The following TSGA10 variants were observed in gnomAD, a reference collection of about 807,000 sequenced individuals.
The protein encoded by TSGA10 is testis specific 10, also known as testis-specific gene 10 protein.
TSGA10 carries 43 observed loss-of-function variants against 96.6 expected under a neutral mutation model. That is an observed-to-expected ratio of 0.44 (90% CI 0.35 to 0.57). The LOEUF is 0.57. Among genes scored for constraint, TSGA10 ranks in the 20% least tolerant of loss-of-function variants. The pLI, the probability that TSGA10 is intolerant of heterozygous loss-of-function variation, is 0.01. For missense variants in TSGA10, 703 were observed against 834.4 expected, an observed-to-expected ratio of 0.84 and a Z score of 1.94; for synonymous variants, 229 against 269.9, an observed-to-expected ratio of 0.85 and a Z score of 1.48.
chr2:99,080,363 CACTTCTGGGTCTTCTTCCT>C (rs1335028030), intron 11 of TSGA10, among the ~76,000 whole-genome samples: 1 of 152,166 alleles, frequency 6.6e-6, no homozygotes, highest in East Asian at 1.9e-4. Context: ...AAATAACACT[CACTTCTGGGTCTTCTTCCT>C]ACTTCTTTGG....
intron 16 of TSGA10, among the ~76,000 whole-genome samples, chr2:99,035,962 G>A (rs2081586558): frequency 6.6e-6 from 1 of 151,958 alleles, no homozygotes. Context: ...GAGACTAAGG[G>A]CAAGTATAAA....
rs2079712708 is a variant in TSGA10, at chr2:99,018,298, A to G, written c.1974T>C (p.Tyr658=). 6.2e-7 allele frequency: 1 copy of G among 1,614,174 alleles called. No homozygotes were observed. The highest frequency in any genetic ancestry group is 8.5e-7 in the Non-Finnish European group (1 of 1,180,012). Residue 658 remains tyrosine, a synonymous_variant, in exon 20 of 21, where the codon TAT becomes TAC. Transcript: ENST00000393483. ...TTGGCTTCATTGTAGAACTCATATG[A>G]TAAGCATTACTTGAATAATTTTGGC... The part of the protein sequence containing the change: ...LRRQNYSSNA[Y]HMSSTMKPNT...
At chr2:98,998,450 C>T (rs2077620577) in intron 20 of TSGA10, among the ~76,000 whole-genome samples, 1 of 152,166 alleles carries the variant, frequency 6.6e-6, no homozygotes, top group Non-Finnish European at 1.5e-5. Flanking sequence ...TTGATACTTA[C>T]AGCAGCTTGG....
intron 20 of TSGA10, among the ~76,000 whole-genome samples, chr2:99,008,350 A>T (rs546723240): frequency 9.7e-4 from 148 of 152,340 alleles, no homozygotes; most frequent in Non-Finnish European, 1.3e-4. Context: ...TAACAAAAAG[A>T]TCTAAAGTCC....
chr2:99,148,850 G>A (rs1418883324), intron 1 of TSGA10, among the ~76,000 whole-genome samples: 1 of 152,034 alleles, frequency 6.6e-6, no homozygotes, highest in African/African-American at 2.4e-5. Context: ...ATGATTAAAA[G>A]TTCTGGAGAT....
chr2:99,072,697 C>T (rs62156362), intron 13 of TSGA10, among the ~76,000 whole-genome samples: 5 of 152,208 alleles, frequency 3.3e-5, no homozygotes, highest in African/African-American at 1.2e-4. Flanking sequence ...CTCTGCCTGC[C>T]TATTTAGTCT....
rs141014795 is a variant in TSGA10 at position 99,104,064 on chromosome 2, T to C, written c.514A>G (p.Ile172Val). 55 of 1,613,942 alleles carry C rather than the reference T, an allele frequency of 3.4e-5. No homozygotes were observed. The highest frequency in any genetic ancestry group is 4.4e-5 in the Non-Finnish European group (52 of 1,179,996). Reference sequence around the variant, plus strand: ...TTCATTTCTTTTTCCACAGTGCTTATGGTTTCCTTCATCAAAGTCATATTT... The same window carrying C: ...TTCATTTCTTTTTCCACAGTGCTTACGGTTTCCTTCATCAAAGTCATATTT... Reference protein sequence around the residue: ...MSNMTLMKETISTVEKEMKSL... With the variant: ...MSNMTLMKETVSTVEKEMKSL... Residue 172 changes from isoleucine to valine, a missense_variant, in exon 10 of 21, where the codon ATA (isoleucine) becomes GTA (valine). Ile to Val is a conservative substitution (Grantham distance 29). Around this residue, in one of 3 missense-constraint regions of TSGA10, gnomAD observed 585 missense variants for 656.8 expected, o/e 0.89. Coordinates refer to ENST00000393483, the MANE Select transcript of TSGA10 (RefSeq NM_025244.4).
chr2:99,102,414 C>T (rs1160255885), intron 10 of TSGA10: 5 of 1,613,800 alleles, frequency 3.1e-6, no homozygotes, highest in Non-Finnish European at 4.2e-6. Context: ...TACAGGAAAA[C>T]AAGGTGAAAT....
At position 99,123,218 on chromosome 2, in the gene TSGA10, G is replaced by A. The variant is rs369321328; in HGVS notation, c.-492+3830C>T. Reference sequence around the variant, plus strand: ...AGTGTCTTGGCATGCATTTCTTTGGGTGACTCCTGTTAGGTATTCCATCAC... The same window carrying A: ...AGTGTCTTGGCATGCATTTCTTTGGATGACTCCTGTTAGGTATTCCATCAC... On this transcript the variant is annotated intron_variant, in intron 2 of 20. Transcript: ENST00000393483. Among the ~76,000 whole-genome samples, 16 of 152,178 alleles carry A rather than the reference G, an allele frequency of 1.1e-4. No homozygotes were observed. In the South Asian group the frequency reaches 3.1e-3, roughly 30 times the overall value.
At chr2:99,132,906 G>T (rs2093160907) in intron 1 of TSGA10, among the ~76,000 whole-genome samples, 1 of 152,290 alleles carries the variant, frequency 6.6e-6, no homozygotes, top group Non-Finnish European at 1.5e-5. Context: ...GCGTGATTTT[G>T]AGTGAGTTTC....
At chr2:99,024,925 A>T (rs188104825) in intron 17 of TSGA10, among the ~76,000 whole-genome samples, 3 of 152,282 alleles carry the variant, frequency 2.0e-5, no homozygotes, top group Admixed American at 2.0e-4. Context: ...GATTCTGTTG[A>T]TATGATGATG....
intron 1 of TSGA10, chr2:99,141,554 G>GCCGCGCAGGCGCACGC (rs1553509874): frequency 1.4e-5 from 1 of 73,432 alleles, no homozygotes; most frequent in Non-Finnish European, 3.9e-5. Flanking sequence ...GCCCATCCGC[G>GCCGCGCAGGCGCACGC]CCGCGCAGGC....
At chr2:99,149,785 C>CTTTTT (rs70940143) in intron 1 of TSGA10, among the ~76,000 whole-genome samples, 1 of 112,456 alleles carries the variant, frequency 8.9e-6, no homozygotes, top group African/African-American at 3.7e-5. Context: ...TCACAAGTAT[C>CTTTTT]TTTTTTTTTT....
At chr2:99,131,727 G>C (rs1441001746) in intron 1 of TSGA10, among the ~76,000 whole-genome samples, 1 of 152,090 alleles carries the variant, frequency 6.6e-6, no homozygotes, top group South Asian at 2.1e-4. Flanking sequence ...TCCAGGTTTT[G>C]TCCATTCAGT....
intron 10 of TSGA10, among the ~76,000 whole-genome samples, chr2:99,085,929 T>C (rs1213000781): frequency 6.6e-6 from 1 of 152,112 alleles, no homozygotes; most frequent in African/African-American, 2.4e-5. Context: ...GTATTCAAGA[T>C]GGTATGGCAT....
At chr2:99,078,005 C>A (rs182444329) in intron 12 of TSGA10, among the ~76,000 whole-genome samples, 1 of 151,760 alleles carries the variant, frequency 6.6e-6, no homozygotes, top group African/African-American at 2.4e-5. Flanking sequence ...GGTGCAGCGG[C>A]TTATGCCTGT....
Position 99,018,235 on chromosome 2 carries a change from T to C in TSGA10, c.2037A>G (p.Arg679=), listed in dbSNP as rs201871861. 3.7e-6 allele frequency: 6 copies of C among 1,613,936 alleles called. No homozygotes were observed. Among genetic ancestry groups the C allele is most frequent in the Non-Finnish European group, 4.2e-6 (5 of 1,180,014 alleles). ...ATCGATCTAGGCCTCGGTCAGGAGA[T>C]CGATGGTGAGCACGTTCTGGTGAAT... ...KCHSPERAHH[R]SPDRGLDRSL... Residue 679 remains arginine (R), a synonymous_variant, in exon 20 of 21, where the codon CGA becomes CGG. Coordinates refer to ENST00000393483, the MANE Select transcript of TSGA10 (RefSeq NM_025244.4).
chr2:99,009,586 A>G (rs990739630), intron 20 of TSGA10, among the ~76,000 whole-genome samples: 3 of 151,312 alleles, frequency 2.0e-5, no homozygotes, highest in African/African-American at 7.3e-5. Flanking sequence ...AAAAAAAAAA[A>G]AAAAAAAAAA....
intron 1 of TSGA10, among the ~76,000 whole-genome samples, chr2:99,152,925 T>C (rs1414572203): frequency 6.6e-6 from 1 of 152,196 alleles, no homozygotes; most frequent in African/African-American, 2.4e-5. Context: ...CTAAAAAATA[T>C]AAATTTTGAA....
Sources: allele counts gnomAD v4.1 joint callset (sites outside exome capture counted in the v4.1 genomes callset), GRCh38; gene constraint gnomAD v4.1.1; regional missense constraint gnomAD v4.1.1; transcripts MANE v1.5; gene names NCBI Gene and HGNC (gene_info 2026-07-23, HGNC 2026-07-21).